ADGRA3: variants seen among roughly 807,000 people sequenced by gnomAD.
ADGRA3 encodes the protein G-protein coupled receptor 125.
ADGRA3 carries 56 observed loss-of-function variants against 119.8 expected under a neutral mutation model. That is an observed-to-expected ratio of 0.47 (90% CI 0.38 to 0.58). ADGRA3 has a LOEUF of 0.58. Among genes scored for constraint, ADGRA3 ranks in the 20% least tolerant of loss-of-function variants. The pLI, the probability that ADGRA3 is intolerant of heterozygous loss-of-function variation, is 0.00. For missense variants in ADGRA3, 1,516 were observed against 1,649.0 expected (o/e 0.92, Z 1.40); for synonymous variants, 607 against 623.8 (o/e 0.97, Z 0.40).
At chr4:22,393,802 T>C (rs1472958353) in intron 16 of ADGRA3, 2 of 152,184 alleles carry the variant, frequency 1.3e-5, no homozygotes, top group Non-Finnish European at 2.9e-5. Flanking sequence ...AATTTAATAG[T>C]AGAAAATTAT....
chr4:22,436,078 T>G (rs1013131979), intron 9 of ADGRA3, among the ~76,000 whole-genome samples: 6 of 152,100 alleles, frequency 3.9e-5, no homozygotes, highest in Non-Finnish European at 5.9e-5. Flanking sequence ...AAAAAGCACA[T>G]GAGTAGTTCA....
At position 22,436,463 on chromosome 4, in the gene ADGRA3, T is replaced by C; in HGVS notation, c.1264A>G (p.Arg422Gly). Reference sequence around the variant, plus strand: ...ACCTGATTAAACATATAAAGAACTCTAGTGACATCATTTGCATACTGACAG... The same window carrying C: ...ACCTGATTAAACATATAAAGAACTCCAGTGACATCATTTGCATACTGACAG... Reference protein sequence around the residue: ...SRCQYANDVTRVLYMFNQMPL... With the variant: ...SRCQYANDVTGVLYMFNQMPL... Residue 422 changes from arginine to glycine, a missense_variant, in exon 9 of 19, where the codon AGA (arginine) becomes GGA (glycine). By Grantham distance (125) the Arg-to-Gly change is moderately radical. Transcript: ENST00000334304. The C allele has an allele frequency of 1.9e-6, 3 of 1,611,906 alleles. No homozygotes were observed. Among genetic ancestry groups the C allele is most frequent in the Non-Finnish European group, 2.5e-6 (3 of 1,179,684 alleles).
intron 1 of ADGRA3, among the ~76,000 whole-genome samples, chr4:22,475,989 T>C (rs888974390): frequency 1.3e-5 from 2 of 152,156 alleles, no homozygotes; most frequent in African/African-American, 2.4e-5. Context: ...TCCAAGTATA[T>C]TACTGGATTG....
intron 1 of ADGRA3, among the ~76,000 whole-genome samples, chr4:22,505,759 G>GTCACATCTA (rs1393100387): frequency 3.3e-5 from 5 of 152,070 alleles, no homozygotes; most frequent in African/African-American, 1.2e-4. Flanking sequence ...GAGCTACAGG[G>GTCACATCTA]TCACATCTAA....
At chr4:22,438,571 C>G (rs1169911505) in intron 7 of ADGRA3, 151 bp from the exon 8 acceptor site, 1 of 648,946 alleles carries the variant, frequency 1.5e-6, no homozygotes, top group Non-Finnish European at 2.6e-6. Flanking sequence ...AAAAATGATT[C>G]CTTCCTTTAA....
At chr4:22,389,667 T>C (rs1031349051) in intron 17 of ADGRA3, among the ~76,000 whole-genome samples, 2 of 152,102 alleles carry the variant, frequency 1.3e-5, no homozygotes, top group Non-Finnish European at 2.9e-5. Flanking sequence ...TCATCGCCAG[T>C]CCACTGAGAT....
At chr4:22,498,394 G>A (rs1178793883) in intron 1 of ADGRA3, among the ~76,000 whole-genome samples, 1 of 152,008 alleles carries the variant, frequency 6.6e-6, no homozygotes, top group Non-Finnish European at 1.5e-5. Context: ...CAAGTTGGGT[G>A]GATCACCTGA....
At chr4:22,456,846 A>G (rs1167843596) in intron 3 of ADGRA3, among the ~76,000 whole-genome samples, 1 of 152,202 alleles carries the variant, frequency 6.6e-6, no homozygotes, top group East Asian at 1.9e-4. Context: ...AACATTTGAT[A>G]AAAGAATCTT....
At position 22,413,804 on chromosome 4, in the gene ADGRA3, A is replaced by C; in HGVS notation, c.1820T>G (p.Val607Gly). ...FSSLALKNTI[V>G]EASIQLPPSL... is the part of the protein sequence containing the mutation. ...AGGAGGAAGCTGAATAGAAGCCTCC[A>C]CAATAGTATTCTGAAAAAATATATA... Residue 607 changes from valine to glycine, a missense_variant, in exon 13 of 19, where the codon GTG (valine) becomes GGG (glycine). Coordinates refer to ENST00000334304, the MANE Select transcript of ADGRA3 (RefSeq NM_145290.4). 1.2e-6 allele frequency: 2 copies of C among 1,605,972 alleles called. No homozygotes were observed. Among genetic ancestry groups the C allele is most frequent in the South Asian group, 1.1e-5 (1 of 89,542 alleles).
At chr4:22,392,768 C>G (rs1483421398) in intron 16 of ADGRA3, 78 bp from the exon 17 acceptor site, 8 of 1,340,938 alleles carry the variant, frequency 6.0e-6, no homozygotes, top group African/African-American at 4.5e-5. Flanking sequence ...GTAAGTAACT[C>G]AGAAGTCTGA....
chr4:22,436,265 GC>G (rs1292157726), intron 9 of ADGRA3, among the ~76,000 whole-genome samples, 174 bp downstream of exon 9: 1 of 151,634 alleles, frequency 6.6e-6, no homozygotes, highest in Admixed American at 6.6e-5. Flanking sequence ...TCTATAGAGG[GC>G]CTTGACTAGT....
intron 16 of ADGRA3, among the ~76,000 whole-genome samples, chr4:22,396,935 T>G (rs1714379337): frequency 1.3e-5 from 2 of 152,162 alleles, no homozygotes; most frequent in Admixed American, 1.3e-4. Flanking sequence ...TGAAATAAAT[T>G]TATGTGTCTG....
intron 12 of ADGRA3, among the ~76,000 whole-genome samples, chr4:22,419,330 C>T (rs1715555073): frequency 6.6e-6 from 1 of 151,766 alleles, no homozygotes; most frequent in Non-Finnish European, 1.5e-5. Context: ...TTTGTTCAAG[C>T]GCTAAAGCTT....
chr4:22,391,333 C>T (rs1240752482), intron 17 of ADGRA3, among the ~76,000 whole-genome samples: 1 of 152,074 alleles, frequency 6.6e-6, no homozygotes, highest in African/African-American at 2.4e-5. Flanking sequence ...CCTGCCATTT[C>T]TGCTTTTCCT....
At chr4:22,444,870 T>TCAA (rs1716769176) in intron 6 of ADGRA3, 103 bp downstream of exon 6, 1 of 1,120,348 alleles carries the variant, frequency 8.9e-7, no homozygotes, top group African/African-American at 1.5e-5. Context: ...GGCTGCATAC[T>TCAA]AGTTCTGTCC....
At chr4:22,433,504 C>T (rs1308336611) in intron 10 of ADGRA3, among the ~76,000 whole-genome samples, 1 of 152,000 alleles carries the variant, frequency 6.6e-6, no homozygotes, top group Non-Finnish European at 1.5e-5. Flanking sequence ...CTAATGAAAC[C>T]ATGTCTACTT....
rs368565613 is a variant in ADGRA3 at position 22,435,727 on chromosome 4, A to C, written c.1288-261T>G. Among the ~76,000 whole-genome samples the C allele has an allele frequency of 3.9e-5, 6 of 152,270 alleles. No individual in the cohort carries two copies. The East Asian group carries it at 5.8e-4, about 15-fold the overall frequency. ...ATGAGGTTAACATGTTGCACCATCT[A>C]TCTCTTCTCTGCCTATCCAAATTCT... On this transcript the variant is annotated intron_variant, in intron 9 of 18. Transcript: ENST00000334304.
At chr4:22,447,222 A>T (rs779578224) in intron 5 of ADGRA3, among the ~76,000 whole-genome samples, 4 of 152,180 alleles carry the variant, frequency 2.6e-5, no homozygotes, top group Non-Finnish European at 5.9e-5. Context: ...TATAGATTAG[A>T]GTAATATGGT....
intron 1 of ADGRA3, among the ~76,000 whole-genome samples, chr4:22,511,156 G>A (rs994763948): frequency 5.9e-5 from 9 of 152,242 alleles, no homozygotes; most frequent in East Asian, 5.8e-4. Flanking sequence ...GTAGCATCAC[G>A]AGGAACCCAC....
Sources: gnomAD v4.1 joint callset for allele counts (sites outside exome capture counted in the v4.1 genomes callset) on GRCh38, gnomAD v4.1.1 for gene constraint, MANE v1.5 for transcripts, NCBI Gene and HGNC (gene_info 2026-07-23, HGNC 2026-07-21) for gene names.